HCN1: variants seen among roughly 807,000 people sequenced by gnomAD.
HCN1 encodes potassium/sodium hyperpolarization-activated cyclic nucleotide-gated channel 1.
HCN1 carries 13 observed loss-of-function variants against 78.9 expected under a neutral mutation model. The ratio of observed to expected loss-of-function variants is 0.16; its 90% CI spans 0.11 to 0.26. The LOEUF (loss-of-function observed/expected upper bound fraction) is 0.26, where lower values mean the gene tolerates loss of function less well. Ranked by LOEUF, HCN1 falls within the 10% of genes least tolerant of loss-of-function variation. The pLI is 1.00. For missense variants in HCN1, 810 were observed against 1,154.3 expected (o/e 0.70, Z 4.32); for synonymous variants, 552 against 455.5 (o/e 1.21, Z -2.70).
chr5:45,280,786 T>C (rs1745141622), intron 6 of HCN1, among the ~76,000 whole-genome samples: 1 of 152,232 alleles, frequency 6.6e-6, no homozygotes, highest in African/African-American at 2.4e-5. Context: ...GGACATTTGC[T>C]TTAATTATGC....
At chr5:45,354,191 T>C (rs2111984251) in intron 4 of HCN1, among the ~76,000 whole-genome samples, 1 of 151,968 alleles carries the variant, frequency 6.6e-6, no homozygotes, top group East Asian at 1.9e-4. Context: ...GGAATAAGAA[T>C]TTGCATCTTA....
chr5:45,374,261 T>C (rs916154397), intron 4 of HCN1, among the ~76,000 whole-genome samples: 9 of 118,670 alleles, frequency 7.6e-5, no homozygotes, highest in Admixed American at 4.1e-4. Flanking sequence ...ATTATATACA[T>C]AACATATATA....
At chr5:45,616,758 G>C (rs1040100937) in intron 2 of HCN1, among the ~76,000 whole-genome samples, 6 of 151,870 alleles carry the variant, frequency 4.0e-5, no homozygotes, top group African/African-American at 1.5e-4. Flanking sequence ...ATATATGTGT[G>C]ATACATCCAA....
intron 5 of HCN1, among the ~76,000 whole-genome samples, chr5:45,347,896 A>G (rs1746784317): frequency 1.3e-5 from 2 of 152,222 alleles, no homozygotes; most frequent in African/African-American, 4.8e-5. Flanking sequence ...TGATTGGTGT[A>G]CCTGAAAGTG....
At chr5:45,350,104 A>G (rs1026228578) in intron 5 of HCN1, among the ~76,000 whole-genome samples, 3 of 152,332 alleles carry the variant, frequency 2.0e-5, no homozygotes, top group Admixed American at 1.3e-4. Context: ...TCCTTGATGA[A>G]CATTGATGCA....
chr5:45,389,058 A>G (rs141311281), intron 4 of HCN1, among the ~76,000 whole-genome samples: 19 of 152,206 alleles, frequency 1.2e-4, no homozygotes, highest in African/African-American at 4.3e-4. Context: ...TCCATTTCAA[A>G]TTGCTACTAG....
intron 3 of HCN1, among the ~76,000 whole-genome samples, chr5:45,434,518 A>C (rs897198515): frequency 5.3e-5 from 8 of 152,252 alleles, no homozygotes; most frequent in Non-Finnish European, 8.8e-5. Context: ...AGTAGATACA[A>C]GAACGTGGAG....
At chr5:45,513,396 C>G (rs1297037060) in intron 2 of HCN1, among the ~76,000 whole-genome samples, 4 of 152,062 alleles carry the variant, frequency 2.6e-5, no homozygotes, top group African/African-American at 9.7e-5. Flanking sequence ...ACACATTTTC[C>G]TCATGATAAA....
intron 2 of HCN1, among the ~76,000 whole-genome samples, chr5:45,527,599 TCTC>T (rs1187872512): frequency 6.6e-6 from 1 of 151,354 alleles, no homozygotes; most frequent in African/African-American, 2.4e-5. Flanking sequence ...TCATTCTCTC[TCTC>T]TTTTCTCTCT....
chr5:45,287,968 C>A (rs1175565012), intron 6 of HCN1, among the ~76,000 whole-genome samples: 1 of 152,002 alleles, frequency 6.6e-6, no homozygotes, highest in Non-Finnish European at 1.5e-5. Context: ...AATATTGGAT[C>A]ATTTCATCCT....
chr5:45,580,133 T>C (rs1579980290), intron 2 of HCN1, among the ~76,000 whole-genome samples: 1 of 152,166 alleles, frequency 6.6e-6, no homozygotes, highest in East Asian at 1.9e-4. Flanking sequence ...TCCCTGGACC[T>C]AGGAAAATAT....
intron 2 of HCN1, among the ~76,000 whole-genome samples, chr5:45,563,863 A>G (rs930906055): frequency 6.6e-6 from 1 of 152,260 alleles, no homozygotes; most frequent in South Asian, 2.1e-4. Flanking sequence ...AAAAATATAT[A>G]AGTCCACTTC....
intron 2 of HCN1, among the ~76,000 whole-genome samples, chr5:45,560,765 TTATC>T (rs1353442692): frequency 1.4e-4 from 21 of 152,186 alleles, no homozygotes; most frequent in South Asian, 6.2e-4. Context: ...CTAATGCTGT[TTATC>T]TAGTAATAAT....
intron 3 of HCN1, among the ~76,000 whole-genome samples, chr5:45,457,364 A>G (rs1741049105): frequency 6.6e-6 from 1 of 152,116 alleles, no homozygotes; most frequent in Non-Finnish European, 1.5e-5. Flanking sequence ...AGTGTTGTAC[A>G]CCTAAACACA....
At chr5:45,377,788 G>GT (rs1197013486) in intron 4 of HCN1, among the ~76,000 whole-genome samples, 1 of 151,922 alleles carries the variant, frequency 6.6e-6, no homozygotes, top group Non-Finnish European at 1.5e-5. Flanking sequence ...AACAAATTGG[G>GT]TTGTAGCTCA....
At chr5:45,574,983 AAAG>A in intron 2 of HCN1, 1 of 152,214 alleles carries the variant, frequency 6.6e-6, no homozygotes, top group East Asian at 1.9e-4. Context: ...AGATCTAAGG[AAAG>A]AAGTAATGTC....
chr5:45,530,030 A>G (rs1442171114), intron 2 of HCN1, among the ~76,000 whole-genome samples: 2 of 152,048 alleles, frequency 1.3e-5, no homozygotes, highest in South Asian at 4.1e-4. Flanking sequence ...CTGTATTTCT[A>G]TGTCTAATCT....
At chr5:45,631,870 T>C (rs1484745654) in intron 2 of HCN1, among the ~76,000 whole-genome samples, 2 of 152,174 alleles carry the variant, frequency 1.3e-5, no homozygotes, top group African/African-American at 4.8e-5. Flanking sequence ...AAGTTGTAGT[T>C]CTTAAGCTGA....
chr5:45,614,276 G>A (rs752886400), intron 2 of HCN1, among the ~76,000 whole-genome samples: 3 of 151,990 alleles, frequency 2.0e-5, no homozygotes, highest in Non-Finnish European at 2.9e-5. Flanking sequence ...ATTAATTCCT[G>A]TTATACATAA....
Sources: allele counts gnomAD v4.1 joint callset (sites outside exome capture counted in the v4.1 genomes callset), GRCh38; gene constraint gnomAD v4.1.1; transcripts MANE v1.5; gene names NCBI Gene and HGNC (gene_info 2026-07-23, HGNC 2026-07-21).